Variants in CFAP20DC observed in about 807,000 individuals in gnomAD.
CFAP20DC encodes the protein CFAP20 domain containing.
A neutral mutation model predicts 101.7 loss-of-function variants in CFAP20DC; 84 were observed. The ratio of observed to expected loss-of-function variants is 0.83; its 90% CI spans 0.69 to 0.99. The LOEUF (loss-of-function observed/expected upper bound fraction) is 0.99. Among genes scored for constraint, CFAP20DC ranks in the 50% least tolerant of loss-of-function variants. CFAP20DC has a pLI of 0.00. For missense variants in CFAP20DC, 1,007 were observed against 970.3 expected (o/e 1.04, Z -0.50); for synonymous variants, 359 against 351.2 (o/e 1.02, Z -0.25).
intron 3 of CFAP20DC, among the ~76,000 whole-genome samples, chr3:58,733,284 AT>A (rs1411905111): frequency 2.6e-5 from 4 of 152,194 alleles, no homozygotes; most frequent in African/African-American, 9.7e-5. Flanking sequence ...GTGAGCCAAG[AT>A]TGCGCCACTG....
chr3:58,884,299 TG>T (rs2081439745), intron 7 of CFAP20DC, among the ~76,000 whole-genome samples: 1 of 152,246 alleles, frequency 6.6e-6, no homozygotes, highest in South Asian at 2.1e-4. Context: ...CTCTCACTGC[TG>T]AAGTTGAAAA....
At chr3:58,995,970 T>A (rs887493699) in intron 4 of CFAP20DC, among the ~76,000 whole-genome samples, 1 of 108,250 alleles carries the variant, frequency 9.2e-6, no homozygotes, top group African/African-American at 3.6e-5. Context: ...CAATTCTGTA[T>A]AATAAATCTA....
At chr3:58,906,147 T>C (rs1353286009) in intron 6 of CFAP20DC, among the ~76,000 whole-genome samples, 2 of 152,172 alleles carry the variant, frequency 1.3e-5, no homozygotes, top group Non-Finnish European at 2.9e-5. Context: ...AGTTCATATC[T>C]ATAAGTGTTT....
In CFAP20DC at chr3:59,015,109, G is replaced by A. The variant is rs2093662269; in HGVS notation, c.278+24448C>T. On this transcript the variant is annotated intron_variant, in intron 4 of 16. Coordinates refer to ENST00000482387, the MANE Select transcript of CFAP20DC (RefSeq NM_001394063.1). The surrounding 1 kb of genome is among the most constrained non-coding windows in gnomAD (Gnocchi z 5.4). ...GGGACTAAGGGCTGAAGAGCCTAAGGTTGAGTTCTTGCTGAACAGGTGCGG... is the reference window on the plus strand; with the variant it reads ...GGGACTAAGGGCTGAAGAGCCTAAGATTGAGTTCTTGCTGAACAGGTGCGG... Among the ~76,000 whole-genome samples, 2 of 152,136 alleles carry A rather than the reference G, an allele frequency of 1.3e-5. No individual in the cohort carries two copies. Among genetic ancestry groups the A allele is most frequent in the Admixed American group, 1.3e-4 (2 of 15,264 alleles).
At chr3:58,996,405 C>CA (rs1324208705) in intron 4 of CFAP20DC, among the ~76,000 whole-genome samples, 1 of 151,916 alleles carries the variant, frequency 6.6e-6, no homozygotes, top group Non-Finnish European at 1.5e-5. Context: ...AAACCTTTAC[C>CA]AAAAAAACAG....
intron 3 of CFAP20DC, among the ~76,000 whole-genome samples, chr3:58,718,886 A>C (rs1212094969): frequency 6.6e-6 from 1 of 152,108 alleles, no homozygotes; most frequent in Non-Finnish European, 1.5e-5. Context: ...TAGAACATGA[A>C]GTTCTGATTG....
intron 14 of CFAP20DC, among the ~76,000 whole-genome samples, chr3:58,826,067 G>A (rs2076017167): frequency 6.6e-6 from 1 of 152,180 alleles, no homozygotes; most frequent in Non-Finnish European, 1.5e-5. Context: ...AGACTGCAAT[G>A]TGTGTGAAGT....
chr3:58,762,473 G>C (rs1358092576), intron 15 of CFAP20DC, among the ~76,000 whole-genome samples: 1 of 152,038 alleles, frequency 6.6e-6, no homozygotes. Context: ...CACACTGATG[G>C]GTCTTGACTC....
chr3:58,991,796 C>G (rs1034546874), intron 4 of CFAP20DC, among the ~76,000 whole-genome samples: 2 of 152,110 alleles, frequency 1.3e-5, no homozygotes, highest in African/African-American at 2.4e-5. Flanking sequence ...CTGTTCACCC[C>G]CTGCTGTGCG....
chr3:58,808,153 C>A (rs1470110320), intron 14 of CFAP20DC, among the ~76,000 whole-genome samples: 1 of 152,106 alleles, frequency 6.6e-6, no homozygotes, highest in Non-Finnish European at 1.5e-5. Flanking sequence ...AGATATTATC[C>A]AGGAGAACTT....
intron 4 of CFAP20DC, among the ~76,000 whole-genome samples, chr3:58,940,266 C>T (rs542157424): frequency 5.3e-5 from 8 of 152,168 alleles, no homozygotes; most frequent in African/African-American, 1.9e-4. Context: ...CCTACTGGAG[C>T]CTCTATTCTT....
intron 3 of CFAP20DC, among the ~76,000 whole-genome samples, chr3:58,736,482 G>C (rs868366384): frequency 6.6e-6 from 1 of 152,144 alleles, no homozygotes; most frequent in South Asian, 2.1e-4. Flanking sequence ...ATTAATAAAA[G>C]TTATACTTCA....
At position 58,799,753 on chromosome 3, in the gene CFAP20DC, G is replaced by C. The variant is rs1016395099; in HGVS notation, c.2237+6642C>G. ...TGTGTCTGTGTGTGTGTGTGTGTGT[G>C]TGTGTGTGTGTGTGTAGAAAACAGA... On this transcript the variant is annotated intron_variant, in intron 15 of 16. Coordinates refer to ENST00000482387, the MANE Select transcript of CFAP20DC (RefSeq NM_001394063.1). The surrounding 1 kb of genome is among the most constrained non-coding windows in gnomAD (Gnocchi z 4.9). Among the ~76,000 whole-genome samples, 1 of 151,816 alleles carries C rather than the reference G, an allele frequency of 6.6e-6. No individual in the cohort carries two copies. Among genetic ancestry groups the C allele is most frequent in the African/African-American group, 2.4e-5 (1 of 41,316 alleles).
At chr3:58,840,010 T>G (rs180703395) in intron 13 of CFAP20DC, among the ~76,000 whole-genome samples, 73 of 152,322 alleles carry the variant, frequency 4.8e-4, no homozygotes, top group African/African-American at 1.8e-3. Context: ...CAAACCATTC[T>G]GTAGCACAGC....
Position 59,001,562 on chromosome 3 carries a change from C to G in CFAP20DC, c.278+37995G>C, listed in dbSNP as rs2093312744. ...GAATAGCTGGGATTATAGGCATGCG[C>G]CACCACGCCCAGCTAATTTTGTATT... On this transcript the variant is annotated intron_variant, in intron 4 of 16. Transcript: ENST00000482387. This position sits in a 1 kb window ranked among gnomAD's most constrained non-coding sequence, Gnocchi z 4.5. 6.6e-6 allele frequency among the ~76,000 whole-genome samples: 1 copy of G among 152,206 alleles called. No individual in the cohort carries two copies. Among genetic ancestry groups the G allele is most frequent in the African/African-American group, 2.4e-5 (1 of 41,444 alleles).
Position 58,810,919 on chromosome 3 carries a change from C to G in CFAP20DC, c.2176-4463G>C, listed in dbSNP as rs970332294. Among the ~76,000 whole-genome samples the G allele has an allele frequency of 4.9e-4, 75 of 151,944 alleles. 2 individuals are homozygous for G. The highest frequency in any genetic ancestry group is 1.8e-3 in the African/African-American group (74 of 41,374). On this transcript the variant is annotated intron_variant, in intron 14 of 16. Coordinates refer to ENST00000482387, the MANE Select transcript of CFAP20DC (RefSeq NM_001394063.1). ...TTCTTATACACCAATAACAGGCAAA[C>G]AGAGAGCCAAATCATGAGTGAACTC...
At chr3:58,718,051 C>T (rs2067420895) in intron 3 of CFAP20DC, among the ~76,000 whole-genome samples, 1 of 152,208 alleles carries the variant, frequency 6.6e-6, no homozygotes, top group South Asian at 2.1e-4. Flanking sequence ...ATACTTTGAT[C>T]CACTACTTAT....
intron 10 of CFAP20DC, among the ~76,000 whole-genome samples, chr3:58,866,956 C>T (rs965629664): frequency 3.3e-5 from 5 of 151,764 alleles, no homozygotes; most frequent in African/African-American, 1.2e-4. Context: ...AATGCCAAAA[C>T]CCATAAAATT....
intron 4 of CFAP20DC, among the ~76,000 whole-genome samples, chr3:58,987,725 C>A (rs944327469): frequency 6.6e-6 from 1 of 151,782 alleles, no homozygotes; most frequent in South Asian, 2.1e-4. Flanking sequence ...TACTATTAAA[C>A]TGGAAACAAA....
Sources: gnomAD v4.1 joint callset for allele counts (sites outside exome capture counted in the v4.1 genomes callset) on GRCh38, gnomAD v4.1.1 for gene constraint, Gnocchi (gnomAD v3.1) non-coding constraint, MANE v1.5 for transcripts, NCBI Gene and HGNC (gene_info 2026-07-23, HGNC 2026-07-21) for gene names.